DOCK9: variants seen among roughly 807,000 people sequenced by gnomAD.
DOCK9 encodes the protein dedicator of cytokinesis 9, also known as dedicator of cytokinesis protein 9.
Under a neutral mutation model 263.3 loss-of-function variants are expected in DOCK9, and 89 were observed. The ratio of observed to expected loss-of-function variants is 0.34; its 90% CI spans 0.28 to 0.40. The LOEUF is 0.40. Among genes scored for constraint, DOCK9 ranks in the 10% least tolerant of loss-of-function variants. The pLI is 1.00. For synonymous variants in DOCK9, 976 were observed against 973.1 expected, an observed-to-expected ratio of 1.00 and a Z score of -0.06; for missense variants, 2,140 against 2,603.4, an observed-to-expected ratio of 0.82 and a Z score of 3.87.
chr13:99,031,889 A>G (rs1317593046), intron 1 of DOCK9, among the ~76,000 whole-genome samples: 1 of 152,206 alleles, frequency 6.6e-6, no homozygotes, highest in Non-Finnish European at 1.5e-5. Context: ...ATTCCAAAAC[A>G]CACCTCTAAA....
intron 1 of DOCK9, among the ~76,000 whole-genome samples, chr13:99,035,624 A>G (rs1887792856): frequency 6.6e-6 from 1 of 152,214 alleles, no homozygotes; most frequent in South Asian, 2.1e-4. Flanking sequence ...GGGACCCCAA[A>G]ATGGTAGAGT....
chr13:98,982,667 A>T (rs965851054), upstream of DOCK9, among the ~76,000 whole-genome samples: 1 of 152,234 alleles, frequency 6.6e-6, no homozygotes, highest in African/African-American at 2.4e-5. Flanking sequence ...CTTTGGCCCT[A>T]AAGTGAAATG....
At chr13:99,010,992 G>T (rs1884379516) in intron 1 of DOCK9, among the ~76,000 whole-genome samples, 2 of 152,192 alleles carry the variant, frequency 1.3e-5, no homozygotes, top group Non-Finnish European at 2.9e-5. Context: ...CCACCTCCCA[G>T]GTTCAAGTGA....
In DOCK9 at chr13:98,826,873, A is replaced by G. The variant is rs753973371; in HGVS notation, c.4980T>C (p.Tyr1660=). 5 of 1,610,842 alleles carry G rather than the reference A, an allele frequency of 3.1e-6. No individual in the cohort carries two copies. Among genetic ancestry groups the G allele is most frequent in the Non-Finnish European group, 4.2e-6 (5 of 1,178,514 alleles). ...NGDLSEAAMC[Y]VHVTALVAEY... is the part of the protein sequence containing the mutation. ...CTGCCACTAGGGCTGTTACGTGGACATAGCACATTGCTGCCTATAATAGAA... is the reference window on the plus strand; with the variant it reads ...CTGCCACTAGGGCTGTTACGTGGACGTAGCACATTGCTGCCTATAATAGAA... Residue 1660 remains tyrosine, a synonymous_variant, in exon 44 of 53, where the codon TAT becomes TAC. Coordinates refer to ENST00000682017, the MANE Select transcript of DOCK9 (RefSeq NM_001366683.2).
intron 45 of DOCK9, 78 bp downstream of exon 45, chr13:98,824,320 T>C: frequency 7.8e-7 from 1 of 1,278,866 alleles, no homozygotes; most frequent in East Asian, 2.3e-5. Context: ...AAAGCCCTGG[T>C]CTGATGCACT....
chr13:98,794,892 A>T, intron 52 of DOCK9, 144 bp from the exon 53 acceptor site: 1 of 798,854 alleles, frequency 1.3e-6, no homozygotes, highest in East Asian at 2.6e-5. Context: ...ACACAATGTT[A>T]CTGAGTATAA....
chr13:98,825,381 G>T lies in DOCK9; in HGVS notation c.5024-877C>A, dbSNP rs2092483015. Among the ~76,000 whole-genome samples the T allele has an allele frequency of 6.6e-6, 1 of 152,124 alleles. No individual in the cohort carries two copies. The highest frequency in any genetic ancestry group is 2.4e-5 in the African/African-American group (1 of 41,422). ...CTTGAATTGAGACTTCTACATTTAG[G>T]GAGAAAGAGGAACACAGGGTATTCT... On this transcript the variant is annotated intron_variant, in intron 44 of 52. Coordinates refer to ENST00000682017, the MANE Select transcript of DOCK9 (RefSeq NM_001366683.2). The surrounding 1 kb of genome is among the most constrained non-coding windows in gnomAD (Gnocchi z 4.1).
intron 4 of DOCK9, 95 bp from the exon 5 acceptor site, chr13:98,923,466 A>C: frequency 1.0e-6 from 1 of 986,596 alleles, no homozygotes; most frequent in Non-Finnish European, 1.6e-6. Flanking sequence ...GCCTTTACTA[A>C]ATCCAAAGAT....
upstream of DOCK9, among the ~76,000 whole-genome samples, chr13:98,981,865 C>T (rs1033362611): frequency 3.9e-5 from 6 of 152,174 alleles, no homozygotes; most frequent in Non-Finnish European, 7.3e-5. Context: ...GAGGAAATGC[C>T]ATTTTACCAG....
intron 1 of DOCK9, among the ~76,000 whole-genome samples, chr13:99,051,849 T>C (rs1035231164): frequency 5.9e-5 from 3 of 50,820 alleles, no homozygotes; most frequent in Middle Eastern, 0.02. Flanking sequence ...CATGTTCCAC[T>C]AGTGGCAAAA....
chr13:98,885,326 G>A (rs2045516127), intron 20 of DOCK9: 1 of 587,810 alleles, frequency 1.7e-6, no homozygotes, highest in Admixed American at 3.3e-5. Flanking sequence ...TATGCAGGCT[G>A]GGCATGGTGG....
chr13:98,887,575 C>T (rs192068314), intron 18 of DOCK9, among the ~76,000 whole-genome samples: 2 of 127,916 alleles, frequency 1.6e-5, no homozygotes, highest in African/African-American at 6.0e-5. Flanking sequence ...GAGATCACAC[C>T]ACTGCACTCC....
chr13:98,872,911 G>A (rs1486315800), intron 27 of DOCK9, among the ~76,000 whole-genome samples: 1 of 152,154 alleles, frequency 6.6e-6, no homozygotes. Flanking sequence ...AAGGCCACCC[G>A]TGCCTCCATG....
intron 1 of DOCK9, among the ~76,000 whole-genome samples, chr13:98,974,587 T>C (rs2060038268): frequency 6.6e-6 from 1 of 151,340 alleles, no homozygotes. Context: ...ACGTCTCTAC[T>C]AAAAATACAA....
intron 1 of DOCK9, among the ~76,000 whole-genome samples, chr13:99,005,598 T>A (rs992518207): frequency 1.3e-5 from 2 of 152,110 alleles, no homozygotes; most frequent in African/African-American, 2.4e-5. Context: ...TTATTCAACA[T>A]GGGACTGGGA....
intron 1 of DOCK9, among the ~76,000 whole-genome samples, chr13:99,066,110 T>C (rs553758028): frequency 6.6e-6 from 1 of 152,228 alleles, no homozygotes; most frequent in Non-Finnish European, 1.5e-5. Flanking sequence ...TAAACAAAGA[T>C]CAAGGCTAAC....
intron 1 of DOCK9, among the ~76,000 whole-genome samples, chr13:98,967,196 G>T (rs999288958): frequency 1.3e-5 from 2 of 152,186 alleles, no homozygotes; most frequent in African/African-American, 4.8e-5. Context: ...TCTAAAGATG[G>T]GAAAAGTAAC....
intron 1 of DOCK9, among the ~76,000 whole-genome samples, chr13:99,029,509 G>A (rs770766352): frequency 1.3e-5 from 2 of 151,952 alleles, no homozygotes; most frequent in Non-Finnish European, 2.9e-5. Flanking sequence ...ATTACATTAG[G>A]TTATAAACAA....
chr13:98,874,614 C>T (rs1368388619), intron 27 of DOCK9, among the ~76,000 whole-genome samples: 1 of 152,154 alleles, frequency 6.6e-6, no homozygotes, highest in Non-Finnish European at 1.5e-5. Context: ...CCTCCCAATG[C>T]CAGATCTTCA....
Sources: gnomAD v4.1 joint callset for allele counts (sites outside exome capture counted in the v4.1 genomes callset) on GRCh38, gnomAD v4.1.1 for gene constraint, Gnocchi (gnomAD v3.1) non-coding constraint, MANE v1.5 for transcripts, NCBI Gene and HGNC (gene_info 2026-07-23, HGNC 2026-07-21) for gene names.